The following RHOU variants were observed in gnomAD, a reference collection of about 807,000 sequenced individuals.
RHOU encodes the protein ras homolog family member U.
Under a neutral mutation model 12.6 loss-of-function variants are expected in RHOU, and 8 were observed. The ratio of observed to expected loss-of-function variants is 0.64; its 90% CI spans 0.37 to 1.15. The LOEUF is 1.15. Ranked by LOEUF, RHOU falls within the 50% of genes most tolerant of loss-of-function variation. The pLI is 0.01. For synonymous variants in RHOU, 161 were observed against 147.4 expected, an observed-to-expected ratio of 1.09 and a Z score of -0.67; for missense variants, 258 against 347.0, an observed-to-expected ratio of 0.74 and a Z score of 2.04.
At chr1:228,689,323 A>G in the RHOU span, among the ~76,000 whole-genome samples, 3 of 151,892 alleles carry the variant, frequency 2.0e-5, no homozygotes, top group Admixed American at 6.5e-5. Flanking sequence ...GGCCATTGGA[A>G]CTTCTGGATC....
chr1:228,736,918 G>A (rs921235823), intron 1 of RHOU, among the ~76,000 whole-genome samples: 2 of 152,046 alleles, frequency 1.3e-5, no homozygotes, highest in Non-Finnish European at 2.9e-5. Context: ...TCCCACCGCA[G>A]GGTATTGTTT....
chr1:228,667,506 A>C, the RHOU span, among the ~76,000 whole-genome samples: 1 of 152,206 alleles, frequency 6.6e-6, no homozygotes, highest in Non-Finnish European at 1.5e-5. Flanking sequence ...GGGATGTAGG[A>C]TGCTGGGAAC....
At chr1:228,685,026 T>C in the RHOU span, among the ~76,000 whole-genome samples, 1 of 152,204 alleles carries the variant, frequency 6.6e-6, no homozygotes, top group Admixed American at 6.5e-5. Context: ...TTTGATGATA[T>C]TCTAAACAAC....
chr1:228,659,818 C>A, the RHOU span, among the ~76,000 whole-genome samples: 2 of 151,366 alleles, frequency 1.3e-5, no homozygotes, highest in Non-Finnish European at 1.5e-5. Context: ...ACCATCTCTA[C>A]TAAAAATACA....
the RHOU span, among the ~76,000 whole-genome samples, chr1:228,700,142 G>A: frequency 1.3e-5 from 2 of 152,090 alleles, no homozygotes; most frequent in African/African-American, 4.8e-5. Context: ...ATGAGTCTAC[G>A]CTTAACATTT....
chr1:228,721,035 C>T, the RHOU span, among the ~76,000 whole-genome samples: 1 of 152,112 alleles, frequency 6.6e-6, no homozygotes, highest in Non-Finnish European at 1.5e-5. Context: ...GGCACGGTGG[C>T]TCACGCCTGT....
the RHOU span, among the ~76,000 whole-genome samples, chr1:228,663,040 T>C: frequency 3.3e-5 from 5 of 152,200 alleles, no homozygotes; most frequent in Admixed American, 6.5e-5. Context: ...CTGCCTGTTT[T>C]TGTATATGGT....
the RHOU span, among the ~76,000 whole-genome samples, chr1:228,726,501 C>A: frequency 1.8e-4 from 27 of 152,158 alleles, no homozygotes; most frequent in Admixed American, 1.3e-3. Flanking sequence ...CCCGTCCGTA[C>A]TAAAAATACA....
At chr1:228,648,493 C>A in the RHOU span, among the ~76,000 whole-genome samples, 5 of 152,226 alleles carry the variant, frequency 3.3e-5, no homozygotes, top group Non-Finnish European at 7.3e-5. Flanking sequence ...TTTTGCCTTG[C>A]GGCGGGGGGA....
At chr1:228,703,204 T>G in the RHOU span, among the ~76,000 whole-genome samples, 1 of 152,190 alleles carries the variant, frequency 6.6e-6, no homozygotes. Flanking sequence ...AAATGGAAAT[T>G]TCTTTTAGAG....
At chr1:228,677,879 T>A in the RHOU span, among the ~76,000 whole-genome samples, 6 of 152,106 alleles carry the variant, frequency 3.9e-5, no homozygotes, top group Non-Finnish European at 8.8e-5. Context: ...GTTATTGGAC[T>A]GTATATAGGT....
the RHOU span, among the ~76,000 whole-genome samples, chr1:228,671,323 C>A: frequency 1.3e-5 from 2 of 152,036 alleles, no homozygotes; most frequent in African/African-American, 4.8e-5. Context: ...TTCTTTATAG[C>A]AATGTGAAAA....
chr1:228,694,519 C>T, the RHOU span, among the ~76,000 whole-genome samples: 1 of 152,128 alleles, frequency 6.6e-6, no homozygotes, highest in Non-Finnish European at 1.5e-5. Context: ...TGTTCCCCCA[C>T]AGGAGTCCAT....
At chr1:228,650,499 G>A in the RHOU span, 1 of 456,574 alleles carries the variant, frequency 2.2e-6, no homozygotes, top group South Asian at 1.5e-5. Flanking sequence ...CCGTGATGGT[G>A]CTGAACTAGG....
At chr1:228,732,451 G>A (rs577114514), upstream of RHOU, among the ~76,000 whole-genome samples, 4 of 152,276 alleles carry the variant, frequency 2.6e-5, no homozygotes, top group East Asian at 5.8e-4. Context: ...ACAGTTCAAC[G>A]TAAAAAGGGG....
the RHOU span, among the ~76,000 whole-genome samples, chr1:228,699,338 C>T: frequency 1.4e-5 from 2 of 146,252 alleles, no homozygotes; most frequent in Admixed American, 1.4e-4. Context: ...GTCTCAGCTT[C>T]TTGGGAGGCT....
chr1:228,705,510 T>C, the RHOU span, among the ~76,000 whole-genome samples: 5 of 152,228 alleles, frequency 3.3e-5, no homozygotes, highest in South Asian at 2.1e-4. Flanking sequence ...ATGATTTTTT[T>C]CCCCTGCCTA....
At chr1:228,677,752 A>G in the RHOU span, among the ~76,000 whole-genome samples, 2 of 152,156 alleles carry the variant, frequency 1.3e-5, no homozygotes, top group Non-Finnish European at 2.9e-5. Context: ...GCCACTGAAG[A>G]TCTTCTATCC....
intron 1 of RHOU, 94 bp downstream of exon 1, chr1:228,736,098 G>GCC: frequency 7.8e-7 from 1 of 1,275,648 alleles, no homozygotes; most frequent in Non-Finnish European, 1.0e-6. Context: ...TCCCAAGGGG[G>GCC]CTGCAGGGCC....
Sources: allele counts gnomAD v4.1 joint callset (sites outside exome capture counted in the v4.1 genomes callset), GRCh38; gene constraint gnomAD v4.1.1; transcripts MANE v1.5; gene names NCBI Gene and HGNC (gene_info 2026-07-23, HGNC 2026-07-21).